CNTN4: variants seen among roughly 807,000 people sequenced by gnomAD.
CNTN4 encodes contactin-4.
Under a neutral mutation model 122.5 loss-of-function variants are expected in CNTN4, and 77 were observed. The ratio of observed to expected loss-of-function variants is 0.63; its 90% CI spans 0.52 to 0.76. The LOEUF is 0.76. Ranked by LOEUF, CNTN4 falls within the 30% of genes least tolerant of loss-of-function variation. The probability of loss-of-function intolerance (pLI) is 0.00; values close to 1 mark genes in which losing one functional copy is unlikely to be tolerated. For missense variants in CNTN4, 1,256 were observed against 1,259.1 expected (o/e 1.00, Z 0.04); for synonymous variants, 512 against 447.0 (o/e 1.15, Z -1.83).
chr3:2,819,527 G>A lies in CNTN4; in HGVS notation c.400G>A (p.Val134Ile). 1.9e-6 allele frequency: 3 copies of A among 1,614,152 alleles called. No homozygotes were observed. The highest frequency in any genetic ancestry group is 2.5e-6 in the Non-Finnish European group (3 of 1,179,998). ...AACAAGAACAAGAAGCACTGTGTCT[G>A]TCCGTCGAGGTCAAGGAATGGTGCT... ...FKTRTRSTVS[V>I]RRGQGMVLLC... The change falls in exon 7 of 25, where the codon GTC (valine) becomes ATC (isoleucine). Residue 134 changes from valine (V) to isoleucine (I), a missense_variant. Val to Ile is a conservative substitution (Grantham distance 29). Coordinates refer to ENST00000418658, the MANE Select transcript of CNTN4 (RefSeq NM_175607.3).
intron 4 of CNTN4, among the ~76,000 whole-genome samples, chr3:2,627,890 TA>T (rs2082273004): frequency 1.3e-5 from 2 of 152,250 alleles, no homozygotes; most frequent in African/African-American, 4.8e-5. Context: ...TAACATACTT[TA>T]ATTGAAGATA....
chr3:2,317,480 T>C (rs2043143714), intron 2 of CNTN4, among the ~76,000 whole-genome samples: 1 of 152,156 alleles, frequency 6.6e-6, no homozygotes, highest in South Asian at 2.1e-4. Context: ...ATTGTGCAGG[T>C]TATCATTCCT....
intron 3 of CNTN4, among the ~76,000 whole-genome samples, chr3:2,366,691 C>T (rs1050284936): frequency 2.6e-5 from 4 of 151,210 alleles, no homozygotes; most frequent in South Asian, 2.1e-4. Flanking sequence ...TGCACCACTG[C>T]GCTCCAGCCT....
At chr3:2,166,898 A>T (rs114109382) in intron 2 of CNTN4, among the ~76,000 whole-genome samples, 31 of 152,300 alleles carry the variant, frequency 2.0e-4, no homozygotes, top group Non-Finnish European at 3.4e-4. Context: ...ATAACACATA[A>T]GAAAAAGAAA....
Position 2,101,852 on chromosome 3 carries a change from C to T in CNTN4, c.-145+1213C>T, listed in dbSNP as rs78265090. On this transcript the variant is annotated intron_variant, in intron 2 of 24. Coordinates refer to ENST00000418658, the MANE Select transcript of CNTN4 (RefSeq NM_175607.3). ...TCCCGGTGGATCATTTTGTACAGCC[C>T]CTGGGGTGTGTAGCACACTTTAAAG... Among the ~76,000 whole-genome samples the T allele has an allele frequency of 2.4e-3, 358 of 152,036 alleles. 4 individuals are homozygous for T. The highest frequency in any genetic ancestry group is 8.0e-3 in the African/African-American group (333 of 41,484).
At chr3:2,775,327 G>A (rs6414445) in intron 6 of CNTN4, among the ~76,000 whole-genome samples, 149,560 of 152,292 alleles carry the variant, frequency 0.98, 73,499 homozygotes, top group East Asian at 1. Context: ...TCTTCCCCAT[G>A]CAAAACTCCT....
intron 6 of CNTN4, among the ~76,000 whole-genome samples, chr3:2,812,082 G>A (rs1199602524): frequency 4.6e-5 from 7 of 152,112 alleles, no homozygotes; most frequent in African/African-American, 1.4e-4. Flanking sequence ...ATGAGAACAC[G>A]TGGACACATA....
intron 3 of CNTN4, among the ~76,000 whole-genome samples, chr3:2,418,007 C>G (rs1406486867): frequency 6.6e-6 from 1 of 152,024 alleles, no homozygotes; most frequent in East Asian, 1.9e-4. Flanking sequence ...TAATAGAGCA[C>G]AGAGGATTTT....
intron 3 of CNTN4, among the ~76,000 whole-genome samples, chr3:2,512,562 A>G (rs2076918933): frequency 6.6e-6 from 1 of 152,180 alleles, no homozygotes; most frequent in Admixed American, 6.6e-5. Flanking sequence ...TCACTGTGGA[A>G]AGGGATTTGT....
At chr3:2,910,856 C>T (rs1219205765) in intron 12 of CNTN4, among the ~76,000 whole-genome samples, 1 of 152,094 alleles carries the variant, frequency 6.6e-6, no homozygotes, top group East Asian at 1.9e-4. Flanking sequence ...AAGCCCCAGA[C>T]CCTTTTTCCC....
chr3:2,827,389 A>G (rs1279210349), intron 7 of CNTN4, among the ~76,000 whole-genome samples: 1 of 152,192 alleles, frequency 6.6e-6, no homozygotes, highest in Non-Finnish European at 1.5e-5. Context: ...TGCACAGTTA[A>G]AACTTCCAGA....
chr3:2,657,408 C>G (rs1356252062), intron 4 of CNTN4, among the ~76,000 whole-genome samples: 3 of 152,170 alleles, frequency 2.0e-5, no homozygotes, highest in South Asian at 2.1e-4. Context: ...TAGGAGTCTC[C>G]TTGTGGGCTT....
At chr3:2,932,316 T>C (rs977527615) in intron 13 of CNTN4, among the ~76,000 whole-genome samples, 5 of 152,064 alleles carry the variant, frequency 3.3e-5, no homozygotes, top group Non-Finnish European at 5.9e-5. Context: ...AGGCGGAGCT[T>C]GCAGTGAGCC....
chr3:3,025,954 A>T, intron 14 of CNTN4, 148 bp from the exon 15 acceptor site: 1 of 749,172 alleles, frequency 1.3e-6, no homozygotes, highest in Non-Finnish European at 2.3e-6. Flanking sequence ...TGAGCTTCCC[A>T]GATGACTGAG....
intron 14 of CNTN4, among the ~76,000 whole-genome samples, chr3:3,019,717 T>C (rs1325863838): frequency 6.6e-6 from 1 of 150,744 alleles, no homozygotes; most frequent in Non-Finnish European, 1.5e-5. Flanking sequence ...TGTGTAGGTG[T>C]ATTTGTGTGT....
chr3:2,304,192 A>G (rs1400740491), intron 2 of CNTN4, among the ~76,000 whole-genome samples: 1 of 152,198 alleles, frequency 6.6e-6, no homozygotes, highest in Non-Finnish European at 1.5e-5. Flanking sequence ...TTTCTTTTAC[A>G]ATATATTTTC....
intron 2 of CNTN4, among the ~76,000 whole-genome samples, chr3:2,270,826 A>G (rs570680585): frequency 6.6e-6 from 1 of 152,192 alleles, no homozygotes; most frequent in South Asian, 2.1e-4. Context: ...CTCATTTCTT[A>G]CAGTTCAGCT....
chr3:2,103,947 C>T (rs752106564), intron 2 of CNTN4, among the ~76,000 whole-genome samples: 18 of 152,142 alleles, frequency 1.2e-4, no homozygotes, highest in South Asian at 6.2e-4. Context: ...CAATAGTAAG[C>T]GTATACTTTT....
chr3:2,462,440 A>T (rs750542181), intron 3 of CNTN4, among the ~76,000 whole-genome samples: 1 of 152,036 alleles, frequency 6.6e-6, no homozygotes, highest in South Asian at 2.1e-4. Flanking sequence ...TAAAAGTAGC[A>T]CTCTGATGAC....
Sources: allele counts gnomAD v4.1 joint callset (sites outside exome capture counted in the v4.1 genomes callset), GRCh38; gene constraint gnomAD v4.1.1; transcripts MANE v1.5; gene names NCBI Gene and HGNC (gene_info 2026-07-23, HGNC 2026-07-21).